MMD2: variants seen among roughly 807,000 people sequenced by gnomAD.
MMD2 encodes the protein monocyte to macrophage differentiation factor 2.
Under a neutral mutation model 33.5 loss-of-function variants are expected in MMD2, and 30 were observed. That is an observed-to-expected ratio of 0.90 (90% CI 0.67 to 1.22). The LOEUF (loss-of-function observed/expected upper bound fraction) is 1.22, where lower values mean the gene tolerates loss of function less well. MMD2 is among the 50% of genes most tolerant of loss of function. MMD2 has a pLI of 0.00. For synonymous variants in MMD2, 129 were observed against 123.0 expected (o/e 1.05, Z -0.32); for missense variants, 364 against 325.4 (o/e 1.12, Z -0.91).
At chr7:4,919,189 CA>C (rs1785213478) in intron 3 of MMD2, among the ~76,000 whole-genome samples, 1 of 152,152 alleles carries the variant, frequency 6.6e-6, no homozygotes, top group Non-Finnish European at 1.5e-5. Flanking sequence ...GCGCCTGTAG[CA>C]TGCCTGGAAC....
the MMD2 span, among the ~76,000 whole-genome samples, chr7:4,899,616 G>A: frequency 2.0e-5 from 3 of 152,020 alleles, no homozygotes; most frequent in Admixed American, 2.0e-4. Context: ...GGCTGGTCTC[G>A]AACGCCTGAC....
downstream of MMD2, among the ~76,000 whole-genome samples, chr7:4,904,998 G>A (rs141966746): frequency 9.7e-4 from 148 of 152,298 alleles, 1 homozygote; most frequent in African/African-American, 3.4e-3. Context: ...AGGATGAGTA[G>A]GAGTAAGTTG....
chr7:4,951,004 C>T (rs573253292), intron 1 of MMD2, among the ~76,000 whole-genome samples: 14 of 152,236 alleles, frequency 9.2e-5, no homozygotes, highest in South Asian at 2.1e-4. Flanking sequence ...TGAGCCACAG[C>T]GCCCGGCCTA....
Position 4,907,593 on chromosome 7 carries a change from T to C in MMD2, c.544A>G (p.Thr182Ala), listed in dbSNP as rs940329185. 1 of 1,612,278 alleles carries C rather than the reference T, an allele frequency of 6.2e-7. No homozygotes were observed. The highest frequency in any genetic ancestry group is 8.5e-7 in the Non-Finnish European group (1 of 1,179,764). ...PALVILSMPNTEGIWELVTGG... is the reference protein window; with the variant it reads ...PALVILSMPNAEGIWELVTGG... ...GTCACCAGCTCCCAGATGCCCTCGGTGTTGGGCTGTCGGCAAGGACAAGGG... is the reference window on the plus strand; with the variant it reads ...GTCACCAGCTCCCAGATGCCCTCGGCGTTGGGCTGTCGGCAAGGACAAGGG... The change falls in exon 7 of 7, where the codon ACC (threonine) becomes GCC (alanine). Residue 182 changes from threonine (T) to alanine (A), a missense_variant. Coordinates refer to ENST00000401401, the MANE Select transcript of MMD2 (RefSeq NM_198403.4).
intron 4 of MMD2, among the ~76,000 whole-genome samples, chr7:4,912,858 C>A (rs1785050631): frequency 6.6e-6 from 1 of 152,016 alleles, no homozygotes. Flanking sequence ...GGCGTACCAC[C>A]ATGCCTGGCT....
chr7:4,924,293 T>C (rs953508674), intron 2 of MMD2, among the ~76,000 whole-genome samples: 2 of 152,244 alleles, frequency 1.3e-5, no homozygotes, highest in African/African-American at 4.8e-5. Context: ...CTCCTTTCTA[T>C]GACACCGGTG....
intron 2 of MMD2, among the ~76,000 whole-genome samples, chr7:4,923,019 A>G (rs927057952): frequency 2.0e-5 from 3 of 152,134 alleles, no homozygotes; most frequent in African/African-American, 7.2e-5. Context: ...TTATAGCATC[A>G]GTGGTCAGAG....
Position 4,946,067 on chromosome 7 carries a change from A to C in MMD2, c.47+12904T>G, listed in dbSNP as rs914180779. On this transcript the variant is annotated intron_variant, in intron 1 of 6. Coordinates refer to ENST00000401401, the MANE Select transcript of MMD2 (RefSeq NM_198403.4). The surrounding 1 kb of genome is among the most constrained non-coding windows in gnomAD (Gnocchi z 5.0). ...CACCTCTCTGGGGCAAAATGCACAC[A>C]CTCACACGCACGCACACGCACGCAC... is the stretch of plus-strand genomic sequence containing the variant. 6.6e-6 allele frequency among the ~76,000 whole-genome samples: 1 copy of C among 151,918 alleles called. No homozygotes were observed. The highest frequency in any genetic ancestry group is 2.4e-5 in the African/African-American group (1 of 41,392).
chr7:4,924,217 C>T (rs1003348124), intron 2 of MMD2, among the ~76,000 whole-genome samples: 3 of 152,166 alleles, frequency 2.0e-5, no homozygotes, highest in Admixed American at 6.6e-5. Context: ...AAAACAATAA[C>T]AACAACAACA....
At chr7:4,956,199 G>A (rs979644829) in intron 1 of MMD2, among the ~76,000 whole-genome samples, 1 of 152,116 alleles carries the variant, frequency 6.6e-6, no homozygotes, top group Non-Finnish European at 1.5e-5. Flanking sequence ...GAGGCAGGAG[G>A]ATCACTTGAG....
At chr7:4,901,240 A>G (rs1784790434), downstream of MMD2, among the ~76,000 whole-genome samples, 1 of 152,096 alleles carries the variant, frequency 6.6e-6, no homozygotes, top group African/African-American at 2.4e-5. Context: ...CAGGAGTTCG[A>G]GACCAGCCTG....
intron 1 of MMD2, among the ~76,000 whole-genome samples, chr7:4,943,316 T>A (rs1785962386): frequency 6.6e-6 from 1 of 152,022 alleles, no homozygotes; most frequent in East Asian, 1.9e-4. Context: ...GCCTTTTTTC[T>A]GTATTTTTAG....
the MMD2 span, among the ~76,000 whole-genome samples, chr7:4,899,748 T>C: frequency 6.6e-6 from 1 of 152,148 alleles, no homozygotes; most frequent in African/African-American, 2.4e-5. Flanking sequence ...TGAAAAACAC[T>C]GCCCTGTGGG....
At position 4,940,059 on chromosome 7, in the gene MMD2, T is replaced by A. The variant is rs1377943877; in HGVS notation, c.48-14527A>T. ...ACCTGGCCCAATCTATTTCTATAAATTTCAAGAACAGGCAGCGCAGGTCTG... is the reference window on the plus strand; with the variant it reads ...ACCTGGCCCAATCTATTTCTATAAAATTCAAGAACAGGCAGCGCAGGTCTG... On this transcript the variant is annotated intron_variant, in intron 1 of 6. Coordinates refer to ENST00000401401, the MANE Select transcript of MMD2 (RefSeq NM_198403.4). The surrounding 1 kb of genome is among the most constrained non-coding windows in gnomAD (Gnocchi z 5.0). Among the ~76,000 whole-genome samples the A allele has an allele frequency of 8.5e-5, 13 of 152,164 alleles. No homozygotes were observed. The highest frequency in any genetic ancestry group is 8.8e-5 in the Non-Finnish European group (6 of 68,032).
At chr7:4,955,165 C>T (rs1189190338) in intron 1 of MMD2, among the ~76,000 whole-genome samples, 1 of 152,170 alleles carries the variant, frequency 6.6e-6, no homozygotes. Context: ...CTTAAAACAC[C>T]TTTACATGCA....
At chr7:4,935,945 G>A (rs1785729066) in intron 1 of MMD2, among the ~76,000 whole-genome samples, 1 of 151,990 alleles carries the variant, frequency 6.6e-6, no homozygotes, top group Admixed American at 6.6e-5. Flanking sequence ...AGCACTTTGG[G>A]AGGCCGAGGC....
At chr7:4,895,562 A>T in the MMD2 span, among the ~76,000 whole-genome samples, 1 of 150,420 alleles carries the variant, frequency 6.6e-6, no homozygotes, top group Non-Finnish European at 1.5e-5. Flanking sequence ...TTTGAGACGG[A>T]GTCTCGCTCT....
chr7:4,921,155 A>G (rs1785273778), intron 2 of MMD2, among the ~76,000 whole-genome samples: 2 of 151,956 alleles, frequency 1.3e-5, no homozygotes, highest in Admixed American at 1.3e-4. Context: ...GGCCATCCCC[A>G]CCACATCCCA....
intron 2 of MMD2, among the ~76,000 whole-genome samples, chr7:4,923,550 C>G (rs1424122716): frequency 6.6e-6 from 1 of 152,156 alleles, no homozygotes; most frequent in Non-Finnish European, 1.5e-5. Flanking sequence ...GATAAGGAAA[C>G]TGAGGCTCAG....
Sources: allele counts gnomAD v4.1 joint callset (sites outside exome capture counted in the v4.1 genomes callset), GRCh38; gene constraint gnomAD v4.1.1; non-coding constraint Gnocchi (gnomAD v3.1); transcripts MANE v1.5; gene names NCBI Gene and HGNC (gene_info 2026-07-23, HGNC 2026-07-21).